Variants in ERICH3 observed in about 807,000 individuals in gnomAD.
ERICH3 encodes glutamate rich 3, also known as glutamate-rich protein 3.
In ERICH3, 126 loss-of-function variants were observed where a neutral mutation model predicts 131.1. That is an observed-to-expected ratio of 0.96 (90% CI 0.83 to 1.11). The LOEUF is 1.11. Ranked by LOEUF, ERICH3 falls within the 50% of genes most tolerant of loss-of-function variation. ERICH3 has a pLI of 0.00. For synonymous variants in ERICH3, 695 were observed against 644.6 expected, an observed-to-expected ratio of 1.08 and a Z score of -1.18; for missense variants, 2,050 against 1,810.7, an observed-to-expected ratio of 1.13 and a Z score of -2.40.
At chr1:74,627,772 GA>G (rs1024195704) in intron 7 of ERICH3, among the ~76,000 whole-genome samples, 1 of 151,794 alleles carries the variant, frequency 6.6e-6, no homozygotes, top group Non-Finnish European at 1.5e-5. Flanking sequence ...ACAACAATTT[GA>G]AAAACTTGAA....
chr1:74,589,562 T>G (rs926288824), intron 12 of ERICH3, 69 bp downstream of exon 12: 1 of 1,434,504 alleles, frequency 7.0e-7, no homozygotes, highest in African/African-American at 1.4e-5. Flanking sequence ...AGCTTTGGCA[T>G]AGTGCAATGA....
intron 12 of ERICH3, among the ~76,000 whole-genome samples, chr1:74,582,182 G>A (rs552667639): frequency 6.6e-5 from 10 of 152,198 alleles, no homozygotes; most frequent in African/African-American, 1.2e-4. Context: ...CCAGCACACC[G>A]GCTTTTTACT....
At chr1:74,662,006 T>A (rs1470621103) in intron 1 of ERICH3, among the ~76,000 whole-genome samples, 1 of 152,176 alleles carries the variant, frequency 6.6e-6, no homozygotes, top group African/African-American at 2.4e-5. Flanking sequence ...AGTTGGAATT[T>A]ATTCATTCGT....
At position 74,571,894 on chromosome 1, in the gene ERICH3, T is replaced by G; in HGVS notation, c.3816A>C (p.Glu1272Asp). ...TTATGGGATCTTCCTCAGCAACAGCTTCCTGGGTCCTTAGCACGACATCCA... is the reference window on the plus strand; with the variant it reads ...TTATGGGATCTTCCTCAGCAACAGCGTCCTGGGTCCTTAGCACGACATCCA... ...GGVDVVLRTQ[E>D]AVAEEDPIMA... The change falls in exon 14 of 15, where the codon GAA (glutamate) becomes GAC (aspartate). Residue 1272 changes from glutamate (E) to aspartate (D), a missense_variant. Coordinates refer to ENST00000326665, the MANE Select transcript of ERICH3 (RefSeq NM_001002912.5). 1 of 1,612,242 alleles carries G rather than the reference T, an allele frequency of 6.2e-7. No homozygotes were observed. The highest frequency in any genetic ancestry group is 8.5e-7 in the Non-Finnish European group (1 of 1,180,032).
intron 5 of ERICH3, among the ~76,000 whole-genome samples, chr1:74,637,389 G>A (rs528508605): frequency 1.3e-5 from 2 of 152,184 alleles, no homozygotes; most frequent in South Asian, 4.2e-4. Flanking sequence ...CTGATATGCT[G>A]ACCCTAGCAT....
chr1:74,621,980 G>C (rs1002845465), intron 7 of ERICH3: 1 of 152,126 alleles, frequency 6.6e-6, no homozygotes, highest in African/African-American at 2.4e-5. Flanking sequence ...AATGTGCAGA[G>C]ACCAACTTTA....
At chr1:74,630,847 A>T (rs1402893352) in intron 7 of ERICH3, among the ~76,000 whole-genome samples, 1 of 151,924 alleles carries the variant, frequency 6.6e-6, no homozygotes, top group African/African-American at 2.4e-5. Context: ...TGAGAGAGAA[A>T]ACATCCTGTC....
chr1:74,571,094 C>G lies in ERICH3; in HGVS notation c.*18+5G>C. ...GTCCTACAAAGACATTACGCTTAAACTCACTGTCTGCCAGCAAGTCTCCTA... is the reference window on the plus strand; with the variant it reads ...GTCCTACAAAGACATTACGCTTAAAGTCACTGTCTGCCAGCAAGTCTCCTA... On this transcript the variant is annotated splice_donor_5th_base_variant and intron_variant, in intron 14 of 14. Coordinates refer to ENST00000326665, the MANE Select transcript of ERICH3 (RefSeq NM_001002912.5). 5 of 1,601,190 alleles carry G rather than the reference C, an allele frequency of 3.1e-6. No homozygotes were observed. The highest frequency in any genetic ancestry group is 4.3e-6 in the Non-Finnish European group (5 of 1,174,026).
At chr1:74,671,025 A>C (rs1441391304) in intron 1 of ERICH3, among the ~76,000 whole-genome samples, 1 of 151,946 alleles carries the variant, frequency 6.6e-6, no homozygotes, top group Non-Finnish European at 1.5e-5. Flanking sequence ...GGTGGGGGAA[A>C]ATCTCCGCCC....
chr1:74,611,164 A>T (rs1194677265), intron 9 of ERICH3, among the ~76,000 whole-genome samples: 1 of 152,106 alleles, frequency 6.6e-6, no homozygotes, highest in Non-Finnish European at 1.5e-5. Context: ...CCTACTCAGC[A>T]TTTCTACTTG....
At chr1:74,603,358 A>G (rs2100583200) in intron 10 of ERICH3, among the ~76,000 whole-genome samples, 1 of 152,024 alleles carries the variant, frequency 6.6e-6, no homozygotes. Context: ...CTTTTTGTGT[A>G]TCTAAGCCTC....
In ERICH3 at chr1:74,571,780, C is replaced by G; in HGVS notation, c.3930G>C (p.Gln1310His). The G allele has an allele frequency of 6.2e-7, 1 of 1,614,022 alleles. No individual in the cohort carries two copies. Among genetic ancestry groups the G allele is most frequent in the African/African-American group, 1.3e-5 (1 of 75,040 alleles). ...KECTLETEAM[Q>H]DRNSEGDGDM... ...CCCCGTCCCCTTCCGAGTTCCTGTC[C>G]TGCATCGCTTCTGTCTCCAGAGTGC... Residue 1310 changes from glutamine (Q) to histidine (H), a missense_variant, in exon 14 of 15, where the codon CAG becomes CAC. By Grantham distance (24) the Gln-to-His change is conservative (BLOSUM62 0). Transcript: ENST00000326665.
intron 11 of ERICH3, among the ~76,000 whole-genome samples, chr1:74,594,786 A>T (rs1647771996): frequency 6.6e-6 from 1 of 152,088 alleles, no homozygotes; most frequent in East Asian, 1.9e-4. Context: ...ACCTGACCTT[A>T]GTTTTCAATC....
intron 1 of ERICH3, among the ~76,000 whole-genome samples, chr1:74,653,420 C>CGAGA (rs139869173): frequency 2.2e-5 from 3 of 134,840 alleles, no homozygotes; most frequent in Admixed American, 1.5e-4. Context: ...AGAGAGAGAA[C>CGAGA]GAGAGAGAGA....
chr1:74,606,266 C>T (rs1404600162), intron 10 of ERICH3, among the ~76,000 whole-genome samples: 1 of 151,866 alleles, frequency 6.6e-6, no homozygotes, highest in African/African-American at 2.4e-5. Context: ...AAAAACAGTA[C>T]ATTCAAAAAC....
chr1:74,632,562 A>G (rs1646350265), intron 6 of ERICH3, among the ~76,000 whole-genome samples: 1 of 152,004 alleles, frequency 6.6e-6, no homozygotes, highest in Non-Finnish European at 1.5e-5. Context: ...ATATACACAC[A>G]TGCACACACA....
chr1:74,648,558 G>A (rs559279720), intron 2 of ERICH3, among the ~76,000 whole-genome samples: 3 of 152,130 alleles, frequency 2.0e-5, no homozygotes, highest in African/African-American at 4.8e-5. Context: ...AATGCAATAC[G>A]TGCTCTTTCA....
intron 8 of ERICH3, among the ~76,000 whole-genome samples, chr1:74,618,812 C>T (rs540253623): frequency 2.2e-4 from 33 of 152,250 alleles, no homozygotes; most frequent in Non-Finnish European, 3.7e-4. Flanking sequence ...GACGAATTAA[C>T]GAAAGCCAAA....
Position 74,571,682 on chromosome 1 carries a change from A to G in ERICH3, c.4028T>C (p.Leu1343Pro), listed in dbSNP as rs763764090. The change falls in exon 14 of 15, where the codon CTA becomes CCA. Residue 1343 changes from leucine to proline, a missense_variant. Coordinates refer to ENST00000326665, the MANE Select transcript of ERICH3 (RefSeq NM_001002912.5). ...TTCTGCCGTTTCACCACCTCCGTGT[A>G]GAACTTCCACAGCCACAACCCTTCC... ...GGGRVVAVEVLHGGGETAETA... is the reference protein window; with the variant it reads ...GGGRVVAVEVPHGGGETAETA... 6.2e-7 allele frequency: 1 copy of G among 1,614,094 alleles called. No individual in the cohort carries two copies. The highest frequency in any genetic ancestry group is 1.7e-5 in the Admixed American group (1 of 60,024).
Sources: allele counts gnomAD v4.1 joint callset (sites outside exome capture counted in the v4.1 genomes callset), GRCh38; gene constraint gnomAD v4.1.1; transcripts MANE v1.5; gene names NCBI Gene and HGNC (gene_info 2026-07-23, HGNC 2026-07-21).